The following PCDH15 variants were observed in gnomAD, a reference collection of about 807,000 sequenced individuals.
PCDH15 encodes protocadherin related 15.
Under a neutral mutation model 178.5 loss-of-function variants are expected in PCDH15, and 129 were observed. The observed-to-expected ratio is 0.72, with a 90% CI of 0.63 to 0.84. The LOEUF is 0.84. PCDH15 is among the 40% of genes least tolerant of loss of function. PCDH15 has a pLI of 0.00. For synonymous variants in PCDH15, 800 were observed against 732.0 expected, an observed-to-expected ratio of 1.09 and a Z score of -1.50; for missense variants, 2,230 against 2,099.9, an observed-to-expected ratio of 1.06 and a Z score of -1.21.
intron 1 of PCDH15, among the ~76,000 whole-genome samples, chr10:54,716,347 A>C (rs67442181): frequency 0.12 from 18,547 of 152,128 alleles, 1,262 homozygotes; most frequent in African/African-American, 0.17. Flanking sequence ...AGAGTTTGAA[A>C]TGCAAAACAC....
chr10:55,329,043 G>A (rs951994759), intron 2 of PCDH15, among the ~76,000 whole-genome samples: 1 of 147,302 alleles, frequency 6.8e-6, no homozygotes, highest in Admixed American at 6.9e-5. Flanking sequence ...GTGTGTGTAT[G>A]GAAATATGAA....
At chr10:55,193,047 G>A (rs1480323415) in intron 1 of PCDH15, among the ~76,000 whole-genome samples, 6 of 150,048 alleles carry the variant, frequency 4.0e-5, no homozygotes, top group African/African-American at 1.5e-4. Context: ...ATTTTGCCTG[G>A]GAGGATAAAT....
chr10:54,015,671 ATGATGC>A (rs2092718440), intron 20 of PCDH15, among the ~76,000 whole-genome samples: 1 of 152,320 alleles, frequency 6.6e-6, no homozygotes, highest in Non-Finnish European at 1.5e-5. Flanking sequence ...TATTCAGCAA[ATGATGC>A]TGGGATAACT....
At chr10:54,293,764 T>C (rs953636269) in intron 8 of PCDH15, among the ~76,000 whole-genome samples, 2 of 152,062 alleles carry the variant, frequency 1.3e-5, no homozygotes, top group Non-Finnish European at 2.9e-5. Flanking sequence ...AAAACCACAA[T>C]GAGATACCAT....
At chr10:54,484,944 C>T (rs965421960) in intron 3 of PCDH15, among the ~76,000 whole-genome samples, 1 of 151,622 alleles carries the variant, frequency 6.6e-6, no homozygotes, top group Non-Finnish European at 1.5e-5. Context: ...AAGAAGAATG[C>T]CCATAAATAA....
intron 2 of PCDH15, among the ~76,000 whole-genome samples, chr10:55,590,390 C>T (rs900119793): frequency 6.6e-6 from 1 of 151,368 alleles, no homozygotes; most frequent in Non-Finnish European, 1.5e-5. Context: ...TGCAGCACAC[C>T]AGCATGGCAC....
intron 2 of PCDH15, among the ~76,000 whole-genome samples, chr10:54,998,835 T>G (rs116009574): frequency 0.01 from 1,585 of 152,256 alleles, 26 homozygotes; most frequent in African/African-American, 0.035. Context: ...AAATGCATTG[T>G]GGTATTTTGT....
intron 16 of PCDH15, among the ~76,000 whole-genome samples, chr10:54,088,007 G>T (rs2094542236): frequency 6.6e-6 from 1 of 152,118 alleles, no homozygotes; most frequent in Admixed American, 6.6e-5. Context: ...AGTTTCCTGA[G>T]GCTTCCCCAG....
intron 1 of PCDH15, among the ~76,000 whole-genome samples, chr10:54,733,647 C>T (rs1473216505): frequency 6.6e-6 from 1 of 151,432 alleles, no homozygotes; most frequent in Non-Finnish European, 1.5e-5. Flanking sequence ...ATATCCAAAA[C>T]ATTTTGAAAA....
chr10:53,926,130 A>T (rs968832772), intron 25 of PCDH15, among the ~76,000 whole-genome samples: 3 of 152,118 alleles, frequency 2.0e-5, no homozygotes, highest in Non-Finnish European at 4.4e-5. Flanking sequence ...CAGTTGTCCT[A>T]TATTTTCCTC....
chr10:54,345,297 G>C (rs751039438), intron 6 of PCDH15, among the ~76,000 whole-genome samples: 1 of 151,868 alleles, frequency 6.6e-6, no homozygotes, highest in Non-Finnish European at 1.5e-5. Context: ...TTTTTTGTTT[G>C]TTTGTTTTTG....
At chr10:54,515,721 G>A (rs1589823640) in intron 3 of PCDH15, among the ~76,000 whole-genome samples, 1 of 152,210 alleles carries the variant, frequency 6.6e-6, no homozygotes, top group Non-Finnish European at 1.5e-5. Flanking sequence ...CTAACTGGGA[G>A]GCATCCCCCA....
chr10:54,345,543 A>T (rs1475424426), intron 6 of PCDH15, among the ~76,000 whole-genome samples: 1 of 151,936 alleles, frequency 6.6e-6, no homozygotes, highest in Non-Finnish European at 1.5e-5. Context: ...GCTTCAGTTA[A>T]AAAAAATCTT....
chr10:54,232,924 CT>C (rs762364718), intron 9 of PCDH15, among the ~76,000 whole-genome samples: 7,902 of 109,236 alleles, frequency 0.072, 728 homozygotes, highest in African/African-American at 0.25. Context: ...AGCTTTCTTT[CT>C]TTTTTTTTTT....
At chr10:55,063,551 A>T (rs1377732196) in intron 2 of PCDH15, among the ~76,000 whole-genome samples, 1 of 152,128 alleles carries the variant, frequency 6.6e-6, no homozygotes, top group African/African-American at 2.4e-5. Context: ...TTATCTGTAT[A>T]CATGGGGAGA....
intron 2 of PCDH15, among the ~76,000 whole-genome samples, chr10:55,365,391 C>T (rs1267573768): frequency 1.3e-5 from 2 of 152,142 alleles, no homozygotes; most frequent in Non-Finnish European, 2.9e-5. Flanking sequence ...GTGGAATGCA[C>T]TTGTCTTGTC....
intron 18 of PCDH15, among the ~76,000 whole-genome samples, chr10:54,026,857 G>A (rs1003887312): frequency 1.3e-5 from 2 of 152,032 alleles, no homozygotes; most frequent in Non-Finnish European, 2.9e-5. Flanking sequence ...AAAACTGGAA[G>A]CATTCCCCTT....
At chr10:53,823,677 C>A (rs895261491) in intron 32 of PCDH15, 1 of 475,328 alleles carries the variant, frequency 2.1e-6, no homozygotes, top group Non-Finnish European at 4.2e-6. Context: ...CATGTCCACA[C>A]GTAACAGTTC....
At chr10:53,854,411 T>C (rs147380286) in intron 28 of PCDH15, among the ~76,000 whole-genome samples, 261 of 152,192 alleles carry the variant, frequency 1.7e-3, no homozygotes, top group African/African-American at 6.1e-3. Context: ...GTTTATACTA[T>C]GTTTTTTAAT....
Sources: allele counts gnomAD v4.1 joint callset (sites outside exome capture counted in the v4.1 genomes callset), GRCh38; gene constraint gnomAD v4.1.1; transcripts MANE v1.5; gene names NCBI Gene and HGNC (gene_info 2026-07-23, HGNC 2026-07-21).